EPB41L3: variants seen among roughly 807,000 people sequenced by gnomAD.
The protein encoded by EPB41L3 is erythrocyte membrane protein band 4.1 like 3, also known as band 4.1-like protein 3.
Under a neutral mutation model 127.1 loss-of-function variants are expected in EPB41L3, and 57 were observed. That is an observed-to-expected ratio of 0.45 (90% CI 0.36 to 0.56). EPB41L3 has a LOEUF of 0.56. Among genes scored for constraint, EPB41L3 ranks in the 20% least tolerant of loss-of-function variants. The pLI is 0.00. For synonymous variants in EPB41L3, 572 were observed against 549.5 expected, an observed-to-expected ratio of 1.04 and a Z score of -0.57; for missense variants, 1,273 against 1,372.2, an observed-to-expected ratio of 0.93 and a Z score of 1.14.
rs2073751352 is a variant in EPB41L3, at chr18:5,397,451, C to T, written c.2473-25G>A. ...TCTGCATGGGAAGAGATTGTGGCAT[C>T]AGTGTGACCATCCATAAACCAAAGG... On this transcript the variant is annotated intron_variant, in intron 17 of 22. Coordinates refer to ENST00000341928, the MANE Select transcript of EPB41L3 (RefSeq NM_012307.5). This position sits in a 1 kb window ranked among gnomAD's most constrained non-coding sequence, Gnocchi z 4.1. The T allele has an allele frequency of 6.3e-7, 1 of 1,580,310 alleles. No individual in the cohort carries two copies. The highest frequency in any genetic ancestry group is 8.6e-7 in the Non-Finnish European group (1 of 1,162,860).
chr18:5,420,845 G>A (rs539352395), intron 11 of EPB41L3, among the ~76,000 whole-genome samples: 9 of 152,232 alleles, frequency 5.9e-5, no homozygotes, highest in Admixed American at 3.3e-4. Context: ...ATTTAAAAAC[G>A]TAAATAAAAG....
chr18:5,561,009 G>A (rs534673333), intron 3 of EPB41L3, among the ~76,000 whole-genome samples: 24 of 128,632 alleles, frequency 1.9e-4, no homozygotes, highest in Admixed American at 3.1e-4. Context: ...ATGGAGTCTC[G>A]CTCTGTCGCC....
chr18:5,435,747 AAGGTGAC>A (rs1330221827), intron 6 of EPB41L3, among the ~76,000 whole-genome samples: 1 of 152,230 alleles, frequency 6.6e-6, no homozygotes, highest in African/African-American at 2.4e-5. Flanking sequence ...TTTTGATATT[AAGGTGAC>A]AGGTCTTACT....
intron 3 of EPB41L3, among the ~76,000 whole-genome samples, chr18:5,576,739 C>T (rs1343360007): frequency 7.9e-5 from 12 of 152,274 alleles, no homozygotes; most frequent in African/African-American, 2.4e-4. Context: ...AATGAAGTTG[C>T]GTGGCCAGTT....
At chr18:5,452,969 G>A (rs2082497816) in intron 3 of EPB41L3, among the ~76,000 whole-genome samples, 1 of 152,122 alleles carries the variant, frequency 6.6e-6, no homozygotes, top group African/African-American at 2.4e-5. Flanking sequence ...AGGTGACTGG[G>A]GTGACTGACG....
intron 1 of EPB41L3, among the ~76,000 whole-genome samples, chr18:5,495,122 T>C (rs939593471): frequency 1.3e-5 from 2 of 152,130 alleles, no homozygotes; most frequent in African/African-American, 4.8e-5. Context: ...AATAAAGGGT[T>C]GAGATGCAGG....
At chr18:5,446,049 C>T (rs1305739952) in intron 3 of EPB41L3, among the ~76,000 whole-genome samples, 2 of 152,158 alleles carry the variant, frequency 1.3e-5, no homozygotes, top group Admixed American at 1.3e-4. Context: ...AACCCTGCTC[C>T]TTGTCTTAGG....
At chr18:5,491,083 G>A (rs74609852) in intron 1 of EPB41L3, among the ~76,000 whole-genome samples, 6,208 of 152,318 alleles carry the variant, frequency 0.041, 141 homozygotes, top group South Asian at 0.073. Context: ...ACAATGAGCT[G>A]TGGCTGTGGA....
chr18:5,587,587 G>A (rs536909258), intron 3 of EPB41L3, among the ~76,000 whole-genome samples: 1 of 152,208 alleles, frequency 6.6e-6, no homozygotes, highest in African/African-American at 2.4e-5. Flanking sequence ...ACTGTATTTG[G>A]AAGACTATCC....
intron 3 of EPB41L3, among the ~76,000 whole-genome samples, chr18:5,458,657 T>C (rs1315861062): frequency 6.6e-6 from 1 of 152,196 alleles, no homozygotes; most frequent in Non-Finnish European, 1.5e-5. Flanking sequence ...AAAAAACACA[T>C]GAATAACAGT....
intron 8 of EPB41L3, 87 bp downstream of exon 8, chr18:5,433,381 CT>C: frequency 2.2e-6 from 2 of 901,128 alleles, no homozygotes; most frequent in Non-Finnish European, 3.4e-6. Context: ...TTTACATTAA[CT>C]GAAGTAAAAA....
intron 1 of EPB41L3, among the ~76,000 whole-genome samples, chr18:5,617,318 TTA>T (rs199739201): frequency 0.036 from 4,521 of 124,018 alleles, 122 homozygotes; most frequent in African/African-American, 0.12. Flanking sequence ...TCTATTATTA[TTA>T]TTTTTTTTTT....
chr18:5,564,791 A>T (rs1184533319), intron 3 of EPB41L3, among the ~76,000 whole-genome samples: 1 of 152,168 alleles, frequency 6.6e-6, no homozygotes, highest in Non-Finnish European at 1.5e-5. Context: ...TGCCACCAAC[A>T]GGACCCCAGT....
chr18:5,535,231 C>T (rs2093535914), intron 1 of EPB41L3, among the ~76,000 whole-genome samples: 1 of 152,050 alleles, frequency 6.6e-6, no homozygotes, highest in African/African-American at 2.4e-5. Flanking sequence ...GAAACCCCAA[C>T]CTCTGTGCCA....
At chr18:5,400,855 C>T (rs2074389063) in intron 16 of EPB41L3, 1 of 666,424 alleles carries the variant, frequency 1.5e-6, no homozygotes, top group Middle Eastern at 2.9e-4. Context: ...ATGTACCTAC[C>T]TTGGTTTTAA....
chr18:5,617,480 G>A (rs548355010), intron 1 of EPB41L3, among the ~76,000 whole-genome samples: 3 of 152,092 alleles, frequency 2.0e-5, no homozygotes, highest in East Asian at 3.9e-4. Context: ...CACCACACCC[G>A]GCTAATTTTT....
rs74630381 is a variant in EPB41L3 at position 5,393,864 on chromosome 18, C to T, written c.*7-386G>A. 15 of 178,400 alleles carry T rather than the reference C, an allele frequency of 8.4e-5. No homozygotes were observed. In the South Asian group the frequency reaches 1.7e-3, roughly 20 times the overall value. The allele number at this position is 178,400 out of a possible 1,614,324, so 11.1% of individuals were successfully genotyped here. ...TATCACATCACCAAGTTGTGCAAGT[C>T]GCTCGACTGCTGCATTCAGCATTCA... is the stretch of plus-strand genomic sequence containing the variant. On this transcript the variant is annotated intron_variant, in intron 22 of 22. Coordinates refer to ENST00000341928, the MANE Select transcript of EPB41L3 (RefSeq NM_012307.5).
At chr18:5,610,608 G>A (rs1166372424) in intron 3 of EPB41L3, among the ~76,000 whole-genome samples, 2 of 152,088 alleles carry the variant, frequency 1.3e-5, no homozygotes, top group East Asian at 1.9e-4. Context: ...TATAGACTTA[G>A]GCTGACTCAA....
intron 3 of EPB41L3, among the ~76,000 whole-genome samples, chr18:5,468,320 C>T (rs1680469544): frequency 6.6e-6 from 1 of 152,180 alleles, no homozygotes; most frequent in Admixed American, 6.5e-5. Context: ...TGAAGTCCCA[C>T]CCTCCAGCTA....
Sources: allele counts gnomAD v4.1 joint callset (sites outside exome capture counted in the v4.1 genomes callset), GRCh38; gene constraint gnomAD v4.1.1; non-coding constraint Gnocchi (gnomAD v3.1); transcripts MANE v1.5; gene names NCBI Gene and HGNC (gene_info 2026-07-23, HGNC 2026-07-21).